The following UBA6 variants were observed in gnomAD, a reference collection of about 807,000 sequenced individuals.
UBA6 encodes the protein ubiquitin-like modifier-activating enzyme 6.
UBA6 carries 87 observed loss-of-function variants against 148.3 expected under a neutral mutation model. The ratio of observed to expected loss-of-function variants is 0.59; its 90% CI spans 0.49 to 0.70. The LOEUF (loss-of-function observed/expected upper bound fraction) is 0.70, where lower values mean the gene tolerates loss of function less well. Ranked by LOEUF, UBA6 falls within the 30% of genes least tolerant of loss-of-function variation. The probability of loss-of-function intolerance (pLI) is 0.00; values close to 1 mark genes in which losing one functional copy is unlikely to be tolerated. For missense variants in UBA6, 1,186 were observed against 1,241.2 expected (o/e 0.96, Z 0.67); for synonymous variants, 376 against 401.0 (o/e 0.94, Z 0.75).
intron 13 of UBA6, among the ~76,000 whole-genome samples, chr4:67,649,918 A>G (rs1265759279): frequency 6.6e-6 from 1 of 152,142 alleles, no homozygotes; most frequent in Non-Finnish European, 1.5e-5. Flanking sequence ...TGCCTAATTA[A>G]TCTTTTGAAA....
At position 67,673,680 on chromosome 4, in the gene UBA6, C is replaced by G. The variant is rs772510024; in HGVS notation, c.546+17G>C. On this transcript the variant is annotated intron_variant, in intron 7 of 32. Coordinates refer to ENST00000322244, the MANE Select transcript of UBA6 (RefSeq NM_018227.6). The stretch of plus-strand genomic sequence containing the variant: ...TTCCTTGGTTAACTACATGTCATTA[C>G]TAAATGATACAATTACCTTAATTGG... 2 of 1,577,036 alleles carry G rather than the reference C, an allele frequency of 1.3e-6. No homozygotes were observed. Among genetic ancestry groups the G allele is most frequent in the Non-Finnish European group, 1.7e-6 (2 of 1,149,316 alleles).
At position 67,614,432 on chromosome 4, in the gene UBA6, T is replaced by C. The variant is rs567746842; in HGVS notation, c.*4565A>G. On this transcript the variant is annotated 3_prime_UTR_variant, in exon 33 of 33. Transcript: ENST00000322244. ...GAAAATATTTACAGAGTTTGACTCT[T>C]TTCATCAACAGATGTTGATGAAATC... 2 of 152,310 alleles carry C rather than the reference T, an allele frequency of 1.3e-5. No individual in the cohort carries two copies. Among genetic ancestry groups the C allele is most frequent in the African/African-American group, 4.8e-5 (2 of 41,560 alleles). 9.4% of individuals were successfully genotyped at this position (152,310 alleles called of 1,614,324 possible). A position where few individuals can be genotyped will look rare whatever the true frequency, so the allele number is the denominator to read the frequency against.
chr4:67,654,730 A>T (rs1729640906), intron 13 of UBA6, among the ~76,000 whole-genome samples: 1 of 152,138 alleles, frequency 6.6e-6, no homozygotes, highest in South Asian at 2.1e-4. Context: ...CAATTAAAAG[A>T]CACAGACTGG....
intron 13 of UBA6, among the ~76,000 whole-genome samples, chr4:67,653,748 G>T (rs1313918927): frequency 6.6e-6 from 1 of 152,168 alleles, no homozygotes; most frequent in Admixed American, 6.5e-5. Flanking sequence ...CGAGCTAAAG[G>T]AGCATGTTCT....
intron 2 of UBA6, among the ~76,000 whole-genome samples, chr4:67,686,986 AAAAATC>A (rs1291701984): frequency 7.0e-6 from 1 of 141,906 alleles, no homozygotes; most frequent in African/African-American, 2.6e-5. Flanking sequence ...AAAAAAAAAA[AAAAATC>A]AAAAACAACC....
Position 67,634,452 on chromosome 4 carries a change from T to C in UBA6, c.1909A>G (p.Thr637Ala), listed in dbSNP as rs767816234. Reference protein sequence around the residue: ...LKSFPAAIEHTIQWARDKFES... With the variant: ...LKSFPAAIEHAIQWARDKFES... Reference sequence around the variant, plus strand: ...ACCTTATCTCTTGCCCACTGTATGGTATGTTCAATAGCAGCTGGAAAGGAT... The same window carrying C: ...ACCTTATCTCTTGCCCACTGTATGGCATGTTCAATAGCAGCTGGAAAGGAT... The change falls in exon 21 of 33, where the codon ACC becomes GCC. Residue 637 changes from threonine to alanine, a missense_variant. Thr to Ala is a moderately conservative substitution (Grantham distance 58). Transcript: ENST00000322244. 2.5e-6 allele frequency: 4 copies of C among 1,589,298 alleles called. No individual in the cohort carries two copies. Among genetic ancestry groups the C allele is most frequent in the East Asian group, 4.5e-5 (2 of 44,530 alleles).
Position 67,626,344 on chromosome 4 carries a change from A to T in UBA6, c.2518+16T>A, listed in dbSNP as rs561906157. On this transcript the variant is annotated intron_variant, in intron 28 of 32. Coordinates refer to ENST00000322244, the MANE Select transcript of UBA6 (RefSeq NM_018227.6). ...CTCATCCAGTTCAAAACATTTTTAT[A>T]AAGATTTTCCCTTACTTTTGGTGGC... The T allele has an allele frequency of 5.3e-4, 820 of 1,540,376 alleles. 10 individuals carry two copies. The South Asian group carries it at 8.3e-3, about 16-fold the overall frequency.
chr4:67,629,958 G>A (rs1046161407), intron 26 of UBA6, among the ~76,000 whole-genome samples: 2 of 152,004 alleles, frequency 1.3e-5, no homozygotes, highest in Non-Finnish European at 2.9e-5. Flanking sequence ...AACCGTATGA[G>A]GCTCTTTAGA....
intron 2 of UBA6, among the ~76,000 whole-genome samples, chr4:67,691,287 T>A (rs1469612762): frequency 2.4e-5 from 3 of 127,634 alleles, no homozygotes; most frequent in African/African-American, 8.6e-5. Flanking sequence ...TTAAAATTTA[T>A]CAAAACTATG....
chr4:67,689,336 A>C (rs1730641692), intron 2 of UBA6, among the ~76,000 whole-genome samples: 1 of 152,166 alleles, frequency 6.6e-6, no homozygotes, highest in African/African-American at 2.4e-5. Context: ...GCATCTGTAT[A>C]GTATACAAGT....
rs539394481 is a variant in UBA6 at position 67,638,994 on chromosome 4, T to C, written c.1685A>G (p.Asp562Gly). The part of the protein sequence containing the change: ...IYNDEFYTKQ[D>G]VIITALDNVE... ...ATTATCTAATGCTGTAATAATTACA[T>C]CTTGTTTAGTATAGAACTCATCATT... The change falls in exon 19 of 33, where the codon GAT becomes GGT. Residue 562 changes from aspartate (D) to glycine (G), a missense_variant. Coordinates refer to ENST00000322244, the MANE Select transcript of UBA6 (RefSeq NM_018227.6). 1.6e-5 allele frequency: 26 copies of C among 1,612,518 alleles called. No homozygotes were observed. The East Asian group carries it at 5.4e-4, about 33-fold the overall frequency.
intron 13 of UBA6, among the ~76,000 whole-genome samples, chr4:67,659,533 GT>G (rs1220856741): frequency 1.0e-5 from 1 of 95,650 alleles, no homozygotes; most frequent in Non-Finnish European, 2.4e-5. Context: ...TGATGGTATA[GT>G]TTCCTGAGGC....
intron 9 of UBA6, 39 bp downstream of exon 9, chr4:67,668,512 G>A (rs759770705): frequency 6.3e-7 from 1 of 1,575,408 alleles, no homozygotes; most frequent in Non-Finnish European, 8.7e-7. Flanking sequence ...TAAATTTGCT[G>A]AATAAGTATA....
At chr4:67,650,250 A>G (rs1487565047) in intron 13 of UBA6, among the ~76,000 whole-genome samples, 2 of 152,296 alleles carry the variant, frequency 1.3e-5, no homozygotes, top group Admixed American at 6.5e-5. Flanking sequence ...CTTCAAAATA[A>G]TCCTTATAAA....
chr4:67,661,255 A>C (rs771110347), intron 13 of UBA6, among the ~76,000 whole-genome samples: 3 of 152,168 alleles, frequency 2.0e-5, no homozygotes, highest in Non-Finnish European at 4.4e-5. Flanking sequence ...AGGGGGTACC[A>C]GGGATGAAAT....
chr4:67,644,529 G>C (rs577244386), intron 17 of UBA6, among the ~76,000 whole-genome samples, 169 bp downstream of exon 17: 194 of 152,212 alleles, frequency 1.3e-3, no homozygotes, highest in African/African-American at 4.3e-3. Flanking sequence ...TTTGCTACAA[G>C]GTAACATAAG....
chr4:67,696,272 AAATCC>A (rs2109962458), intron 2 of UBA6, among the ~76,000 whole-genome samples: 1 of 152,234 alleles, frequency 6.6e-6, no homozygotes, highest in East Asian at 1.9e-4. Context: ...AAGGGCAGCA[AAATCC>A]TTCTTAGTCC....
intron 2 of UBA6, among the ~76,000 whole-genome samples, chr4:67,683,211 C>T (rs185552570): frequency 6.6e-6 from 1 of 152,150 alleles, no homozygotes; most frequent in East Asian, 1.9e-4. Flanking sequence ...ATAGTATGTA[C>T]GAAAGTTCTT....
Position 67,636,603 on chromosome 4 carries a change from G to A in UBA6, c.1737-1045C>T, listed in dbSNP as rs1237035007. ...GAGACGGGGTTTTGCAGTGTTGGCCGGGCTGGTCTCCAGCTCCTAACAGTG... is the reference window on the plus strand; with the variant it reads ...GAGACGGGGTTTTGCAGTGTTGGCCAGGCTGGTCTCCAGCTCCTAACAGTG... On this transcript the variant is annotated intron_variant, in intron 19 of 32. Coordinates refer to ENST00000322244, the MANE Select transcript of UBA6 (RefSeq NM_018227.6). 4.6e-5 allele frequency among the ~76,000 whole-genome samples: 7 copies of A among 152,292 alleles called. No homozygotes were observed. In the East Asian group the frequency reaches 7.7e-4, roughly 17 times the overall value.
Sources: allele counts gnomAD v4.1 joint callset (sites outside exome capture counted in the v4.1 genomes callset), GRCh38; gene constraint gnomAD v4.1.1; transcripts MANE v1.5; gene names NCBI Gene and HGNC (gene_info 2026-07-23, HGNC 2026-07-21).